The following PEAK1 variants were observed in gnomAD, a reference collection of about 807,000 sequenced individuals.
PEAK1 encodes the protein inactive tyrosine-protein kinase PEAK1.
Under a neutral mutation model 124.7 loss-of-function variants are expected in PEAK1, and 54 were observed. The ratio of observed to expected loss-of-function variants is 0.43; its 90% CI spans 0.35 to 0.54. The LOEUF is 0.54. Ranked by LOEUF, PEAK1 falls within the 20% of genes least tolerant of loss-of-function variation. The pLI, the probability that PEAK1 is intolerant of heterozygous loss-of-function variation, is 0.01. For synonymous variants in PEAK1, 719 were observed against 760.0 expected (o/e 0.95, Z 0.89); for missense variants, 2,046 against 2,134.5 (o/e 0.96, Z 0.82).
chr15:77,183,351 T>C (rs999424466), intron 6 of PEAK1, among the ~76,000 whole-genome samples: 1 of 152,234 alleles, frequency 6.6e-6, no homozygotes, highest in African/African-American at 2.4e-5. Context: ...TGTGGCACTC[T>C]ACAAATTGCA....
rs1475335026 is a variant in PEAK1 at position 77,108,373 on chromosome 15, A to T, written c.*5783T>A. The T allele has an allele frequency of 6.6e-6, 1 of 152,252 alleles. No homozygotes were observed. The highest frequency in any genetic ancestry group is 1.5e-5 in the Non-Finnish European group (1 of 68,038). 9.4% of individuals were successfully genotyped at this position (152,252 alleles called of 1,614,324 possible). ...TCAAATACAGAGTGTGGGCAGGGCC[A>T]GAGAGAATTAAAGAGAGATTGGAAT... On this transcript the variant is annotated 3_prime_UTR_variant, in exon 10 of 10. Transcript: ENST00000682557.
In PEAK1 at chr15:77,180,324, A is replaced by G. The variant is rs2057173188; in HGVS notation, c.1603T>C (p.Trp535Arg). The G allele has an allele frequency of 1.9e-6, 3 of 1,613,994 alleles. No homozygotes were observed. The highest frequency in any genetic ancestry group is 4.5e-5 in the East Asian group (2 of 44,876). Reference sequence around the variant, plus strand: ...TGTCGTGGACTGGTGCTAGAAGTCCATACTTCTTGGTATCGAATTGCACTG... The same window carrying G: ...TGTCGTGGACTGGTGCTAGAAGTCCGTACTTCTTGGTATCGAATTGCACTG... ...KSSAIRYQEV[W>R]TSSTSPRQKI... The change falls in exon 7 of 10, where the codon TGG (tryptophan) becomes CGG (arginine). Residue 535 changes from tryptophan (W) to arginine (R), a missense_variant. Transcript: ENST00000682557.
intron 2 of PEAK1, among the ~76,000 whole-genome samples, chr15:77,361,389 A>G (rs975680278): frequency 6.6e-6 from 1 of 152,154 alleles, no homozygotes; most frequent in Non-Finnish European, 1.5e-5. Context: ...GCAGTGAACT[A>G]TAATCATGCC....
intron 2 of PEAK1, among the ~76,000 whole-genome samples, chr15:77,362,348 A>G (rs975217062): frequency 1.3e-5 from 2 of 152,206 alleles, no homozygotes; most frequent in African/African-American, 4.8e-5. Context: ...TGTCAATTAA[A>G]AACTAAAAAA....
chr15:77,178,848 C>T lies in PEAK1; in HGVS notation c.3079G>A (p.Asp1027Asn). The change falls in exon 7 of 10, where the codon GAC becomes AAC. Residue 1027 changes from aspartate to asparagine, a missense_variant. By Grantham distance (23) the Asp-to-Asn change is conservative (BLOSUM62 1). Transcript: ENST00000682557. ...KGRAENALLQ[D>N]SEKKRSHSSP... ...GAATGACTCCTCTTCTTCTCTGAGT[C>T]CTGTAGTAATGCATTCTCTGCTCTA... The T allele has an allele frequency of 6.2e-7, 1 of 1,614,098 alleles. No individual in the cohort carries two copies. Among genetic ancestry groups the T allele is most frequent in the Non-Finnish European group, 8.5e-7 (1 of 1,179,992 alleles).
At chr15:77,144,670 T>C (rs761120801) in intron 8 of PEAK1, among the ~76,000 whole-genome samples, 1 of 152,146 alleles carries the variant, frequency 6.6e-6, no homozygotes, top group South Asian at 2.1e-4. Flanking sequence ...TCCTGGGAGC[T>C]AAGGAGATTT....
chr15:77,348,188 A>G, intron 2 of PEAK1: 2 of 945,086 alleles, frequency 2.1e-6, no homozygotes, highest in Non-Finnish European at 1.3e-6. Flanking sequence ...TGCTAAGAAA[A>G]AAAAAAAAAA....
intron 6 of PEAK1, among the ~76,000 whole-genome samples, chr15:77,250,457 G>T (rs1228559831): frequency 6.6e-6 from 1 of 150,912 alleles, no homozygotes; most frequent in Non-Finnish European, 1.5e-5. Flanking sequence ...TTTTGAGATG[G>T]AGTCTCGCTC....
In PEAK1 at chr15:77,142,925, G is replaced by C. The variant is rs374002683; in HGVS notation, c.3332-9175C>G. Among the ~76,000 whole-genome samples the C allele has an allele frequency of 3.9e-5, 6 of 152,116 alleles. No individual in the cohort carries two copies. In the East Asian group the frequency reaches 7.7e-4, roughly 20 times the overall value. ...ATTAGTGATGCTTGCAAAATTCTGT[G>C]AATATACTAAAACTAACTGAATTGC... On this transcript the variant is annotated intron_variant, in intron 8 of 9. Coordinates refer to ENST00000682557, the MANE Select transcript of PEAK1 (RefSeq NM_001385026.1).
At chr15:77,178,499 A>G (rs2057024352) in intron 7 of PEAK1, 1 of 400,760 alleles carries the variant, frequency 2.5e-6, no homozygotes, top group Non-Finnish European at 4.4e-6. Flanking sequence ...CACATTATTT[A>G]TTGCTATTAA....
At chr15:77,290,113 G>C (rs1430151082) in intron 2 of PEAK1, among the ~76,000 whole-genome samples, 1 of 151,932 alleles carries the variant, frequency 6.6e-6, no homozygotes, top group Non-Finnish European at 1.5e-5. Flanking sequence ...GATTACAGGA[G>C]CCTTGCATCA....
In PEAK1 at chr15:77,159,214, T is replaced by C. The variant is rs143594750; in HGVS notation, c.3138-518A>G. On this transcript the variant is annotated intron_variant, in intron 7 of 9. Coordinates refer to ENST00000682557, the MANE Select transcript of PEAK1 (RefSeq NM_001385026.1). ...TAACTGCATAAGGAAGTTAAGCCAT[T>C]GTTTTAGTAGGTACACTGAGGCCAG... 1.1e-4 allele frequency among the ~76,000 whole-genome samples: 17 copies of C among 152,262 alleles called. No individual in the cohort carries two copies. In the East Asian group the frequency reaches 1.7e-3, roughly 16 times the overall value.
intron 2 of PEAK1, among the ~76,000 whole-genome samples, chr15:77,307,427 A>G (rs2064165863): frequency 6.6e-6 from 1 of 152,154 alleles, no homozygotes; most frequent in Non-Finnish European, 1.5e-5. Context: ...GTCGTAGATA[A>G]CAAAGGAAAG....
intron 1 of PEAK1, among the ~76,000 whole-genome samples, chr15:77,392,023 A>G (rs964750536): frequency 6.6e-6 from 1 of 152,224 alleles, no homozygotes; most frequent in Non-Finnish European, 1.5e-5. Flanking sequence ...GTGCAAAACT[A>G]TGATCCTGTA....
intron 7 of PEAK1, among the ~76,000 whole-genome samples, chr15:77,171,332 ATAAT>A (rs1013228880): frequency 2.0e-5 from 3 of 152,204 alleles, no homozygotes; most frequent in African/African-American, 7.2e-5. Context: ...ACATCTGAAA[ATAAT>A]TAATCCATTT....
At chr15:77,404,388 G>A (rs1405259043) in intron 1 of PEAK1, 1 of 933,424 alleles carries the variant, frequency 1.1e-6, no homozygotes, top group Admixed American at 6.2e-5. Context: ...CCAGTCTGAA[G>A]TGAAATGTGC....
chr15:77,199,841 T>C (rs1258959521), intron 6 of PEAK1, among the ~76,000 whole-genome samples: 5 of 152,104 alleles, frequency 3.3e-5, no homozygotes, highest in East Asian at 1.9e-4. Flanking sequence ...AGAAAACAGA[T>C]TGAGGTTAGA....
At chr15:77,325,970 TA>T (rs907674935) in intron 2 of PEAK1, among the ~76,000 whole-genome samples, 8 of 149,198 alleles carry the variant, frequency 5.4e-5, no homozygotes, top group East Asian at 1.9e-4. Flanking sequence ...AGTACAAATT[TA>T]AAAAAAAAAC....
At position 77,113,809 on chromosome 15, in the gene PEAK1, G is replaced by T. The variant is rs2051124766; in HGVS notation, c.*347C>A. Reference sequence around the variant, plus strand: ...ATAGGTGATATCCAGAATTATGGAGGAAATGGACACAGCTCACTGGCTGAG... The same window carrying T: ...ATAGGTGATATCCAGAATTATGGAGTAAATGGACACAGCTCACTGGCTGAG... On this transcript the variant is annotated 3_prime_UTR_variant, in exon 10 of 10. Coordinates refer to ENST00000682557, the MANE Select transcript of PEAK1 (RefSeq NM_001385026.1). 1 of 268,324 alleles carries T rather than the reference G, an allele frequency of 3.7e-6. No homozygotes were observed. The highest frequency in any genetic ancestry group is 7.1e-6 in the Non-Finnish European group (1 of 140,898). 16.6% of individuals were successfully genotyped at this position (268,324 alleles called of 1,614,324 possible).
Sources: gnomAD v4.1 joint callset for allele counts (sites outside exome capture counted in the v4.1 genomes callset) on GRCh38, gnomAD v4.1.1 for gene constraint, MANE v1.5 for transcripts, NCBI Gene and HGNC (gene_info 2026-07-23, HGNC 2026-07-21) for gene names.